CCNF: variants seen among roughly 807,000 people sequenced by gnomAD.
The protein encoded by CCNF is cyclin-F.
Under a neutral mutation model 85.4 loss-of-function variants are expected in CCNF, and 30 were observed. The ratio of observed to expected loss-of-function variants is 0.35; its 90% CI spans 0.26 to 0.48. The LOEUF (loss-of-function observed/expected upper bound fraction) is 0.48, where lower values mean the gene tolerates loss of function less well. Ranked by LOEUF, CCNF falls within the 20% of genes least tolerant of loss-of-function variation. The pLI, the probability that CCNF is intolerant of heterozygous loss-of-function variation, is 0.99. For missense variants in CCNF, 919 were observed against 1,010.4 expected (o/e 0.91, Z 1.23); for synonymous variants, 439 against 425.1 (o/e 1.03, Z -0.40).
At chr16:2,435,613 G>GCA (rs1262021362) in intron 3 of CCNF, among the ~76,000 whole-genome samples, 193 bp from the exon 4 acceptor site, 28 of 97,812 alleles carry the variant, frequency 2.9e-4, no homozygotes, top group East Asian at 5.6e-4. Context: ...ATATATATAT[G>GCA]CACACACACA....
At position 2,456,235 on chromosome 16, in the gene CCNF, A is replaced by G. The variant is rs376665678; in HGVS notation, c.1886-310A>G. On this transcript the variant is annotated intron_variant, in intron 16 of 16. Transcript: ENST00000397066. The surrounding 1 kb of genome is among the most constrained non-coding windows in gnomAD (Gnocchi z 4.5). The stretch of plus-strand genomic sequence containing the variant: ...TCACTGCCCTGTGCAAACCCCAGGC[A>G]GACTGCGGGGTCCTTGCCAGAAGCC... The G allele has an allele frequency of 3.6e-5, 12 of 332,096 alleles. 1 individual carries two copies. In the South Asian group the frequency reaches 6.9e-4, roughly 19 times the overall value. 20.6% of individuals were successfully genotyped at this position (332,096 alleles called of 1,614,324 possible).
intron 11 of CCNF, 26 bp downstream of exon 11, chr16:2,449,004 TTAA>T (rs1425998194): frequency 6.2e-7 from 1 of 1,611,588 alleles, no homozygotes; most frequent in African/African-American, 1.3e-5. Flanking sequence ...ATTTTCCTTA[TTAA>T]TCTTCGTTGT....
At chr16:2,440,814 CGTGATGGCTCACGCCT>C (rs1227555034) in intron 8 of CCNF, among the ~76,000 whole-genome samples, 1 of 151,498 alleles carries the variant, frequency 6.6e-6, no homozygotes, top group Non-Finnish European at 1.5e-5. Context: ...GAAGGCCAGA[CGTGATGGCTCACGCCT>C]GCAATCCCAG....
chr16:2,429,970 G>A (rs2065254730), intron 1 of CCNF, among the ~76,000 whole-genome samples: 1 of 152,246 alleles, frequency 6.6e-6, no homozygotes, highest in Non-Finnish European at 1.5e-5. Flanking sequence ...CGCGCGCGTT[G>A]AGGCACAGGA....
chr16:2,443,924 C>CA, intron 9 of CCNF, 124 bp downstream of exon 9: 2 of 570,452 alleles, frequency 3.5e-6, no homozygotes, highest in Non-Finnish European at 5.6e-6. Context: ...CCTTATCACC[C>CA]TTTTTTTTTT....
At position 2,449,816 on chromosome 16, in the gene CCNF, T is replaced by C. The variant is rs1179554697; in HGVS notation, c.1400-12T>C. 3.4e-6 allele frequency: 2 copies of C among 595,784 alleles called. No homozygotes were observed. Among genetic ancestry groups the C allele is most frequent in the African/African-American group, 9.4e-5 (1 of 10,694 alleles). 36.9% of individuals were successfully genotyped at this position (595,784 alleles called of 1,614,324 possible). On this transcript the variant is annotated splice_polypyrimidine_tract_variant and intron_variant, in intron 12 of 16. Transcript: ENST00000397066. The stretch of plus-strand genomic sequence containing the variant: ...TCCATCCCCTCCACCCCTGGCCTGC[T>C]TTCCTCCCCAGCACAGCCCTGGACC...
Position 2,443,677 on chromosome 16 carries a change from C to G in CCNF, c.806C>G (p.Ala269Gly), listed in dbSNP as rs2065344752. 6.2e-7 allele frequency: 1 copy of G among 1,614,132 alleles called. No homozygotes were observed. ...QLSLAKACAN[A>G]NQLGLEVRAS... Reference sequence around the variant, plus strand: ...TCTTTAGCCAAAGCCTGTGCAAATGCAAACCAGCTTGGACTGGAGGTGAGA... The same window carrying G: ...TCTTTAGCCAAAGCCTGTGCAAATGGAAACCAGCTTGGACTGGAGGTGAGA... Residue 269 changes from alanine to glycine, a missense_variant, in exon 9 of 17, where the codon GCA becomes GGA. Ala to Gly is a moderately conservative substitution (Grantham distance 60). Transcript: ENST00000397066.
rs749925611 is a variant in CCNF, at chr16:2,431,182, AAGG to A, written c.76_78del (p.Arg26del). The stretch of plus-strand genomic sequence containing the variant: ...TCTGTTATCCTACAAAGCGAAGAAT[AAGG>A]AGGAGGCCCCGAAACCTGACCATCT... On this transcript the variant is annotated inframe_deletion, in exon 2 of 17. Coordinates refer to ENST00000397066, the MANE Select transcript of CCNF (RefSeq NM_001761.3). 13 of 1,613,992 alleles carry A rather than the reference AAGG, an allele frequency of 8.1e-6. No individual in the cohort carries two copies. The African/African-American group carries it at 9.3e-5, about 12-fold the overall frequency.
In CCNF at chr16:2,452,884, C is replaced by T. The variant is rs2065402718; in HGVS notation, c.1488-326C>T. On this transcript the variant is annotated intron_variant, in intron 13 of 16. Transcript: ENST00000397066. This position sits in a 1 kb window ranked among gnomAD's most constrained non-coding sequence, Gnocchi z 4.1. ...TGTGTGTCCCTGCTTTGTTCTTTTT[C>T]ATGGCTGAATAATATTCCCCTGCAT... 4 of 354,318 alleles carry T rather than the reference C, an allele frequency of 1.1e-5. No homozygotes were observed. The highest frequency in any genetic ancestry group is 9.8e-5 in the South Asian group (3 of 30,528). The allele number at this position is 354,318 out of a possible 1,614,324, so 21.9% of individuals were successfully genotyped here. A position where few individuals can be genotyped will look rare whatever the true frequency, so the allele number is the denominator to read the frequency against.
chr16:2,441,502 C>A (rs1258414133), intron 8 of CCNF, among the ~76,000 whole-genome samples: 1 of 151,534 alleles, frequency 6.6e-6, no homozygotes, highest in Non-Finnish European at 1.5e-5. Flanking sequence ...CGCAGTGGCT[C>A]ACATTTATAA....
chr16:2,445,759 GCT>G, intron 10 of CCNF, 137 bp downstream of exon 10: 2 of 796,192 alleles, frequency 2.5e-6, no homozygotes, highest in Non-Finnish European at 3.8e-6. Flanking sequence ...ACCAAGTCTC[GCT>G]CTGTCACCCA....
intron 6 of CCNF, among the ~76,000 whole-genome samples, 196 bp downstream of exon 6, chr16:2,438,319 G>A (rs146626160): frequency 6.6e-6 from 1 of 152,270 alleles, no homozygotes; most frequent in Non-Finnish European, 1.5e-5. Flanking sequence ...TCCATGACCC[G>A]CCTGGCAGGG....
chr16:2,449,862 C>T lies in CCNF; in HGVS notation c.1434C>T (p.Thr478=), dbSNP rs766547417. 14 of 1,502,322 alleles carry T rather than the reference C, an allele frequency of 9.3e-6. No homozygotes were observed. The highest frequency in any genetic ancestry group is 4.5e-5 in the South Asian group (4 of 89,456). 93.1% of individuals were successfully genotyped at this position (1,502,322 alleles called of 1,614,324 possible). Residue 478 remains threonine, a synonymous_variant, in exon 13 of 17, where the codon ACC becomes ACT. Transcript: ENST00000397066. ...QPWTTQLWDL[T]GFSYEDLIPC... is the part of the protein sequence containing the mutation. ...GGACCACTCAGCTGTGGGACCTCACCGGATTCTCCTATGAAGACCTCATTC... is the reference window on the plus strand; with the variant it reads ...GGACCACTCAGCTGTGGGACCTCACTGGATTCTCCTATGAAGACCTCATTC...
intron 5 of CCNF, 106 bp downstream of exon 5, chr16:2,437,428 G>A (rs2065297475): frequency 3.8e-6 from 3 of 798,442 alleles, no homozygotes; most frequent in Non-Finnish European, 5.6e-6. Flanking sequence ...GGAGCCTAAG[G>A]GAAGTGAAGA....
At chr16:2,430,843 T>G (rs911103573) in intron 1 of CCNF, among the ~76,000 whole-genome samples, 5 of 152,248 alleles carry the variant, frequency 3.3e-5, no homozygotes, top group African/African-American at 1.2e-4. Flanking sequence ...ATGTGGGCTC[T>G]GGATCAGAAA....
intron 3 of CCNF, 39 bp downstream of exon 3, chr16:2,433,106 C>T (rs1307184286): frequency 1.5e-6 from 2 of 1,300,206 alleles, no homozygotes; most frequent in South Asian, 2.5e-5. Flanking sequence ...TCTTCTCCTG[C>T]CTTGGCCTCC....
rs78649157 is a variant in CCNF at position 2,439,910 on chromosome 16, G to T, written c.777+84G>T. 11 of 1,201,788 alleles carry T rather than the reference G, an allele frequency of 9.2e-6. 1 individual carries two copies. Among genetic ancestry groups the T allele is most frequent in the African/African-American group, 9.0e-5 (6 of 66,766 alleles). 74.4% of individuals were successfully genotyped at this position (1,201,788 alleles called of 1,614,324 possible). ...CAGGACTATCTGGGCTCCCACATTGGGGGGCAGGACTATCTGGGCTCCCAC... is the reference window on the plus strand; with the variant it reads ...CAGGACTATCTGGGCTCCCACATTGTGGGGCAGGACTATCTGGGCTCCCAC... On this transcript the variant is annotated intron_variant, in intron 8 of 16. Transcript: ENST00000397066.
Position 2,457,892 on chromosome 16 carries a change from T to C in CCNF, c.*872T>C, listed in dbSNP as rs1434289531. The stretch of plus-strand genomic sequence containing the variant: ...CTGACACACTTTATGCAAAAAGAAT[T>C]TTCCCAGATAGGCTAGCCAGAAAAA... On this transcript the variant is annotated 3_prime_UTR_variant, in exon 17 of 17. Coordinates refer to ENST00000397066, the MANE Select transcript of CCNF (RefSeq NM_001761.3). 6.6e-6 allele frequency: 1 copy of C among 152,202 alleles called. No individual in the cohort carries two copies. The highest frequency in any genetic ancestry group is 2.4e-5 in the African/African-American group (1 of 41,444). The allele number at this position is 152,202 out of a possible 1,614,324, so 9.4% of individuals were successfully genotyped here. A position where few individuals can be genotyped will look rare whatever the true frequency, so the allele number is the denominator to read the frequency against.
At chr16:2,431,369 C>T in intron 2 of CCNF, 85 bp downstream of exon 2, 1 of 1,470,998 alleles carries the variant, frequency 6.8e-7, no homozygotes, top group Non-Finnish European at 9.3e-7. Context: ...CAGAACAAAA[C>T]TTTGGCTAAA....
Sources: allele counts gnomAD v4.1 joint callset (sites outside exome capture counted in the v4.1 genomes callset), GRCh38; gene constraint gnomAD v4.1.1; non-coding constraint Gnocchi (gnomAD v3.1); transcripts MANE v1.5; gene names NCBI Gene and HGNC (gene_info 2026-07-23, HGNC 2026-07-21).